TBL3: variants seen among roughly 807,000 people sequenced by gnomAD.
The protein encoded by TBL3 is transducin beta-like protein 3.
TBL3 carries 71 observed loss-of-function variants against 102.7 expected under a neutral mutation model. That is an observed-to-expected ratio of 0.69 (90% CI 0.57 to 0.84). The LOEUF is 0.84. Ranked by LOEUF, TBL3 falls within the 40% of genes least tolerant of loss-of-function variation. TBL3 has a pLI of 0.00. For missense variants in TBL3, 1,188 were observed against 1,098.5 expected (o/e 1.08, Z -1.15); for synonymous variants, 578 against 477.7 (o/e 1.21, Z -2.74).
In TBL3 at chr16:1,974,605, G is replaced by A. The variant is rs776455995; in HGVS notation, c.305G>A (p.Arg102His). Residue 102 changes from arginine (R) to histidine (H), a missense_variant, in exon 5 of 22, where the codon CGC (arginine) becomes CAC (histidine). Transcript: ENST00000568546. Reference protein sequence around the residue: ...QWAWQEGSVTRLWKAIHTAPV... With the variant: ...QWAWQEGSVTHLWKAIHTAPV... ...GCCTGGCAAGAGGGCAGCGTTACCC[G>A]CCTGTGGAAGGCGATACACACGGCC... The A allele has an allele frequency of 2.0e-5, 33 of 1,611,726 alleles. No homozygotes were observed. In the East Asian group the frequency reaches 5.6e-4, roughly 27 times the overall value.
At position 1,979,095 on chromosome 16, in the gene TBL3, C is replaced by G. The variant is rs749101315; in HGVS notation, c.*410C>G. 5.3e-6 allele frequency: 8 copies of G among 1,507,256 alleles called. No homozygotes were observed. The highest frequency in any genetic ancestry group is 4.6e-4 in the Middle Eastern group (2 of 4,326). The allele number at this position is 1,507,256 out of a possible 1,614,324, so 93.4% of individuals were successfully genotyped here. A position where few individuals can be genotyped will look rare whatever the true frequency, so the allele number is the denominator to read the frequency against. On this transcript the variant is annotated 3_prime_UTR_variant, in exon 22 of 22. Transcript: ENST00000568546. ...GTGCGGCACAGAGTCCACGCACCCT[C>G]GAGGGCGGCCCTGGCGCCGTGGGCG... is the stretch of plus-strand genomic sequence containing the variant.
rs1445705722 is a variant in TBL3, at chr16:1,975,375, G to A, written c.742G>A (p.Glu248Lys). The A allele has an allele frequency of 2.5e-6, 4 of 1,614,044 alleles. No individual in the cohort carries two copies. The highest frequency in any genetic ancestry group is 1.7e-5 in the Admixed American group (1 of 60,028). Residue 248 changes from glutamate to lysine, a missense_variant, in exon 9 of 22, where the codon GAG (glutamate) becomes AAG (lysine). By Grantham distance (56) the Glu-to-Lys change is moderately conservative (BLOSUM62 1). Transcript: ENST00000568546. ...GGAGGCTGCTGTGCTGTTGCCAGAG[G>A]AGCCAGTGTCCCAGCTGGGTGTGAA... ...SVEAAVLLPE[E>K]PVSQLGVKSP...
At position 1,980,129 on chromosome 16, in the gene TBL3, G is replaced by C; in HGVS notation, c.*1444G>C. ...GCCTCCAGACTGTGGATGGAGAGGC[G>C]GCCCGCAGCGCGAGAAAGAGGCTGC... On this transcript the variant is annotated 3_prime_UTR_variant, in exon 22 of 22. Transcript: ENST00000568546. The C allele has an allele frequency of 6.2e-7, 1 of 1,606,600 alleles. No individual in the cohort carries two copies. Among genetic ancestry groups the C allele is most frequent in the Non-Finnish European group, 8.5e-7 (1 of 1,178,552 alleles).
In TBL3 at chr16:1,975,333, A is replaced by G. The variant is rs374007893; in HGVS notation, c.712-12A>G. 12 of 1,613,862 alleles carry G rather than the reference A, an allele frequency of 7.4e-6. No homozygotes were observed. Among genetic ancestry groups the G allele is most frequent in the Middle Eastern group, 1.6e-4 (1 of 6,084 alleles). ...GGGCATGATAGCAGCCTGTGACCCA[A>G]TTCGTCTCCAGAGCGTGGAGGCTGC... On this transcript the variant is annotated splice_polypyrimidine_tract_variant and intron_variant, in intron 8 of 21. Coordinates refer to ENST00000568546, the MANE Select transcript of TBL3 (RefSeq NM_006453.3).
At position 1,980,934 on chromosome 16, in the gene TBL3, C is replaced by T. The variant is rs778820590; in HGVS notation, c.*2249C>T. ...GCGGCATCAGGGTGGCCCAGGGTCA[C>T]TCACCTTGAGCTGCCTGAATTCGTC... On this transcript the variant is annotated 3_prime_UTR_variant, in exon 22 of 22. Coordinates refer to ENST00000568546, the MANE Select transcript of TBL3 (RefSeq NM_006453.3). 9 of 1,611,914 alleles carry T rather than the reference C, an allele frequency of 5.6e-6. No homozygotes were observed. The South Asian group carries it at 9.9e-5, about 18-fold the overall frequency.
rs1004237492 is a variant in TBL3 at position 1,978,338 on chromosome 16, G to T, written c.2160G>T (p.Thr720=). ...QKEALLRFCV[T]WNTNSRHCHE... The stretch of plus-strand genomic sequence containing the variant: ...AGGCCCTGCTGCGCTTCTGCGTCAC[G>T]TGGAACACCAACTCGCGGCACTGCC... The change falls in exon 21 of 22, where the codon ACG becomes ACT. Residue 720 remains threonine (T), a synonymous_variant. Coordinates refer to ENST00000568546, the MANE Select transcript of TBL3 (RefSeq NM_006453.3). 4 of 1,610,530 alleles carry T rather than the reference G, an allele frequency of 2.5e-6. No individual in the cohort carries two copies. In the African/African-American group the frequency reaches 5.3e-5, roughly 21 times the overall value.
chr16:1,980,520 C>T lies in TBL3; in HGVS notation c.*1835C>T. 1.2e-6 allele frequency: 2 copies of T among 1,603,170 alleles called. No homozygotes were observed. The highest frequency in any genetic ancestry group is 1.3e-5 in the African/African-American group (1 of 75,028). ...GCGCGCCAGGCCGCGGCTCGTGCGC[C>T]CCACGCGTCCCAACAGTGGTGCATC... On this transcript the variant is annotated 3_prime_UTR_variant, in exon 22 of 22. Transcript: ENST00000568546.
Position 1,979,967 on chromosome 16 carries a change from G to A in TBL3, c.*1282G>A. The A allele has an allele frequency of 6.3e-7, 1 of 1,589,096 alleles. No homozygotes were observed. Among genetic ancestry groups the A allele is most frequent in the Non-Finnish European group, 8.6e-7 (1 of 1,168,440 alleles). ...CTCCCTCGGGTCCAGGAGCAGAGGA[G>A]CAAATCCCTGGGTTCTTGGGGGGCC... On this transcript the variant is annotated 3_prime_UTR_variant, in exon 22 of 22. Coordinates refer to ENST00000568546, the MANE Select transcript of TBL3 (RefSeq NM_006453.3).
Position 1,979,321 on chromosome 16 carries a change from C to A in TBL3, c.*636C>A. On this transcript the variant is annotated 3_prime_UTR_variant, in exon 22 of 22. Transcript: ENST00000568546. ...AGCCCTTCCGGCCGCAGCAGCACCG[C>A]GGGGAGTAGGCCCGCCCGGTCGCCG... 6.4e-7 allele frequency: 1 copy of A among 1,574,288 alleles called. No homozygotes were observed.
chr16:1,979,172 C>G lies in TBL3; in HGVS notation c.*487C>G, dbSNP rs1323634450. On this transcript the variant is annotated 3_prime_UTR_variant, in exon 22 of 22. Coordinates refer to ENST00000568546, the MANE Select transcript of TBL3 (RefSeq NM_006453.3). The stretch of plus-strand genomic sequence containing the variant: ...TGCAGCAGCGGCTCTGGATGGCGCC[C>G]GGCGAAGGTCGGGTGGGCACGGTGG... The G allele has an allele frequency of 1.4e-6, 2 of 1,441,466 alleles. No homozygotes were observed. Among genetic ancestry groups the G allele is most frequent in the East Asian group, 2.7e-5 (1 of 37,102 alleles). The allele number at this position is 1,441,466 out of a possible 1,614,324, so 89.3% of individuals were successfully genotyped here. A position where few individuals can be genotyped will look rare whatever the true frequency, so the allele number is the denominator to read the frequency against.
rs775221881 is a variant in TBL3, at chr16:1,979,092, C to T, written c.*407C>T. ...GGGGTGCGGCACAGAGTCCACGCAC[C>T]CTCGAGGGCGGCCCTGGCGCCGTGG... On this transcript the variant is annotated 3_prime_UTR_variant, in exon 22 of 22. Coordinates refer to ENST00000568546, the MANE Select transcript of TBL3 (RefSeq NM_006453.3). 1.3e-6 allele frequency: 2 copies of T among 1,510,806 alleles called. No individual in the cohort carries two copies. Among genetic ancestry groups the T allele is most frequent in the South Asian group, 1.2e-5 (1 of 80,084 alleles). 93.6% of individuals were successfully genotyped at this position (1,510,806 alleles called of 1,614,324 possible).
In TBL3 at chr16:1,979,598, C is replaced by T; in HGVS notation, c.*913C>T. 2.1e-6 allele frequency: 3 copies of T among 1,454,688 alleles called. No individual in the cohort carries two copies. The highest frequency in any genetic ancestry group is 2.9e-6 in the Non-Finnish European group (3 of 1,049,720). The allele number at this position is 1,454,688 out of a possible 1,614,324, so 90.1% of individuals were successfully genotyped here. A position where few individuals can be genotyped will look rare whatever the true frequency, so the allele number is the denominator to read the frequency against. The stretch of plus-strand genomic sequence containing the variant: ...GGGGCCACAGAGGACGAGGCCCGCC[C>T]GCACCCTTCTCCACATTCTCCTTGC... On this transcript the variant is annotated 3_prime_UTR_variant, in exon 22 of 22. Transcript: ENST00000568546.
rs758284366 is a variant in TBL3, at chr16:1,982,113, G to C, written c.*3428G>C. ...CCCTGGCACACAGTGGTTTTTCCTCGTGCTGGGGCCACCAGTTCTGTGTTG... is the reference window on the plus strand; with the variant it reads ...CCCTGGCACACAGTGGTTTTTCCTCCTGCTGGGGCCACCAGTTCTGTGTTG... On this transcript the variant is annotated 3_prime_UTR_variant, in exon 22 of 22. Transcript: ENST00000568546. 6 of 152,104 alleles carry C rather than the reference G, an allele frequency of 3.9e-5. No individual in the cohort carries two copies. The highest frequency in any genetic ancestry group is 3.3e-4 in the Admixed American group (5 of 15,280). 9.4% of individuals were successfully genotyped at this position (152,104 alleles called of 1,614,324 possible). A position where few individuals can be genotyped will look rare whatever the true frequency, so the allele number is the denominator to read the frequency against.
chr16:1,979,556 G>C lies in TBL3; in HGVS notation c.*871G>C, dbSNP rs907556416. ...AGAACTGGGGACCTGGTGGGAGTGGGTGTTTGGAGTCACCGCGGGGCCACA... is the reference window on the plus strand; with the variant it reads ...AGAACTGGGGACCTGGTGGGAGTGGCTGTTTGGAGTCACCGCGGGGCCACA... On this transcript the variant is annotated 3_prime_UTR_variant, in exon 22 of 22. Coordinates refer to ENST00000568546, the MANE Select transcript of TBL3 (RefSeq NM_006453.3). The C allele has an allele frequency of 6.3e-7, 1 of 1,595,854 alleles. No individual in the cohort carries two copies. The highest frequency in any genetic ancestry group is 8.6e-7 in the Non-Finnish European group (1 of 1,167,810).
At chr16:1,976,153 G>C (rs781765695) in intron 12 of TBL3, 39 bp downstream of exon 12, 6 of 1,613,790 alleles carry the variant, frequency 3.7e-6, no homozygotes, top group Non-Finnish European at 5.1e-6. Flanking sequence ...GGCACCAGGC[G>C]GGGAGGCCAC....
Position 1,980,836 on chromosome 16 carries a change from C to A in TBL3, c.*2151C>A, listed in dbSNP as rs1396636612. Reference sequence around the variant, plus strand: ...CAGGGGCTGGGAGCTTCAGCAGGGACGAAGGGCCTCCAGTGGGAGTCACTG... The same window carrying A: ...CAGGGGCTGGGAGCTTCAGCAGGGAAGAAGGGCCTCCAGTGGGAGTCACTG... On this transcript the variant is annotated 3_prime_UTR_variant, in exon 22 of 22. Transcript: ENST00000568546. 6.8e-7 allele frequency: 1 copy of A among 1,464,058 alleles called. No individual in the cohort carries two copies. The highest frequency in any genetic ancestry group is 2.4e-5 in the East Asian group (1 of 41,200). The allele number at this position is 1,464,058 out of a possible 1,614,324, so 90.7% of individuals were successfully genotyped here.
Position 1,972,140 on chromosome 16 carries a change from C to T in TBL3, c.-25C>T. On this transcript the variant is annotated 5_prime_UTR_variant, in exon 1 of 22. Transcript: ENST00000568546. ...TGGCTGCCGGGACCCTAGCAGGTTT[C>T]AGCTGGAGCGGCGGCGGCGGCAACA... 6.8e-7 allele frequency: 1 copy of T among 1,471,648 alleles called. No homozygotes were observed. Among genetic ancestry groups the T allele is most frequent in the Non-Finnish European group, 9.0e-7 (1 of 1,109,440 alleles). 91.2% of individuals were successfully genotyped at this position (1,471,648 alleles called of 1,614,324 possible).
Position 1,982,248 on chromosome 16 carries a change from T to A in TBL3, c.*3563T>A, listed in dbSNP as rs1391951746. ...CTTTGTGTGTCTGTCCCACCAGCAC[T>A]CTCTCTCATGCCCTCAAGCTGTCCC... On this transcript the variant is annotated 3_prime_UTR_variant, in exon 22 of 22. Transcript: ENST00000568546. 1 of 152,006 alleles carries A rather than the reference T, an allele frequency of 6.6e-6. No homozygotes were observed. The highest frequency in any genetic ancestry group is 1.5e-5 in the Non-Finnish European group (1 of 67,940). 9.4% of individuals were successfully genotyped at this position (152,006 alleles called of 1,614,324 possible).
In TBL3 at chr16:1,977,563, G is replaced by A; in HGVS notation, c.1792G>A (p.Val598Met). 1 of 1,592,502 alleles carries A rather than the reference G, an allele frequency of 6.3e-7. No individual in the cohort carries two copies. The highest frequency in any genetic ancestry group is 1.3e-5 in the African/African-American group (1 of 74,510). The stretch of plus-strand genomic sequence containing the variant: ...CTGGACCATCAAGAACAACGAGTGT[G>A]TGCGGACGCTGGATGCCCACGAGGA... ...KLWTIKNNEC[V>M]RTLDAHEDKV... Residue 598 changes from valine (V) to methionine (M), a missense_variant, in exon 17 of 22, where the codon GTG becomes ATG. Physicochemically the swap from Val to Met is conservative, Grantham distance 21 (BLOSUM62 1). Coordinates refer to ENST00000568546, the MANE Select transcript of TBL3 (RefSeq NM_006453.3).
Sources: gnomAD v4.1 joint callset for allele counts on GRCh38, gnomAD v4.1.1 for gene constraint, MANE v1.5 for transcripts, NCBI Gene and HGNC (gene_info 2026-07-23, HGNC 2026-07-21) for gene names.